Variants in NBEA observed in about 807,000 individuals in gnomAD.
NBEA encodes the protein neurobeachin.
In NBEA, 44 loss-of-function variants were observed where a neutral mutation model predicts 343.4. The observed-to-expected ratio is 0.13, with a 90% CI of 0.10 to 0.16. NBEA has a LOEUF of 0.16. Ranked by LOEUF, NBEA falls within the 10% of genes least tolerant of loss-of-function variation. NBEA has a pLI of 1.00. For synonymous variants in NBEA, 1,175 were observed against 1,238.7 expected, an observed-to-expected ratio of 0.95 and a Z score of 1.08; for missense variants, 2,555 against 3,631.3, an observed-to-expected ratio of 0.70 and a Z score of 7.62.
At chr13:35,380,395 A>C (rs1427011430) in intron 38 of NBEA, among the ~76,000 whole-genome samples, 1 of 152,122 alleles carries the variant, frequency 6.6e-6, no homozygotes, top group African/African-American at 2.4e-5. Context: ...CAGTGAGCCA[A>C]GATCACGCCA....
chr13:34,967,360 A>T (rs572993528), intron 1 of NBEA, among the ~76,000 whole-genome samples: 90 of 149,908 alleles, frequency 6.0e-4, no homozygotes, highest in African/African-American at 1.9e-3. Context: ...TTTTTTTTTT[A>T]AAAAAGCAAA....
At chr13:35,396,329 CTGTT>C (rs1399655922) in intron 38 of NBEA, among the ~76,000 whole-genome samples, 1 of 151,978 alleles carries the variant, frequency 6.6e-6, no homozygotes, top group Non-Finnish European at 1.5e-5. Context: ...TGTGTCTACT[CTGTT>C]TATTTCTGCT....
intron 41 of NBEA, among the ~76,000 whole-genome samples, chr13:35,508,653 T>C (rs1274141130): frequency 6.6e-6 from 1 of 152,122 alleles, no homozygotes; most frequent in Admixed American, 6.5e-5. Context: ...GAATGACCAT[T>C]GGAGGAAAGG....
chr13:35,303,259 C>T (rs2036673626), intron 35 of NBEA, among the ~76,000 whole-genome samples: 1 of 152,072 alleles, frequency 6.6e-6, no homozygotes, highest in South Asian at 2.1e-4. Flanking sequence ...TAGTATTGTT[C>T]ATCCGTAGTA....
In NBEA at chr13:35,440,328, T is replaced by G. The variant is rs78585392; in HGVS notation, c.6304+7935T>G. On this transcript the variant is annotated intron_variant, in intron 39 of 58. Transcript: ENST00000379939. The stretch of plus-strand genomic sequence containing the variant: ...ATTTCTGACTGTCATGGAACTAATT[T>G]AGATCATTGTTCAGAATCTTGCTTC... Among the ~76,000 whole-genome samples, 907 of 152,344 alleles carry G rather than the reference T, an allele frequency of 6.0e-3. 10 individuals carry two copies. Among genetic ancestry groups the G allele is most frequent in the African/African-American group, 0.02 (849 of 41,570 alleles).
chr13:35,578,803 A>G (rs1007530738), intron 45 of NBEA, among the ~76,000 whole-genome samples: 8 of 152,200 alleles, frequency 5.3e-5, no homozygotes, highest in African/African-American at 1.7e-4. Context: ...CAGACTTCAG[A>G]TTGTTTCAGA....
chr13:35,484,272 GTGTATATATATA>G (rs1344603762), intron 41 of NBEA, among the ~76,000 whole-genome samples: 80 of 114,924 alleles, frequency 7.0e-4, no homozygotes, highest in African/African-American at 2.2e-3. Flanking sequence ...GTGTGTGTGT[GTGTATATATATA>G]TATATATATG....
intron 53 of NBEA, 38 bp downstream of exon 53, chr13:35,651,914 A>G: frequency 1.8e-6 from 2 of 1,105,422 alleles, no homozygotes; most frequent in East Asian, 2.6e-5. Flanking sequence ...CATGGATACT[A>G]TCCATATATT....
chr13:35,113,771 C>A (rs527800935), intron 13 of NBEA, among the ~76,000 whole-genome samples: 1 of 152,150 alleles, frequency 6.6e-6, no homozygotes, highest in Admixed American at 6.5e-5. Flanking sequence ...ATAGTCAGCT[C>A]TGACATTGTA....
chr13:35,624,055 GGTGTGT>G (rs10561419), intron 48 of NBEA, among the ~76,000 whole-genome samples: 89 of 147,484 alleles, frequency 6.0e-4, no homozygotes, highest in African/African-American at 1.4e-3. Context: ...TGTGTGTGTG[GGTGTGT>G]GTGTGTGTGT....
rs2061626743 is a variant in NBEA, at chr13:35,015,498, A to T, written c.295-25435A>T. Among the ~76,000 whole-genome samples, 7 of 152,202 alleles carry T rather than the reference A, an allele frequency of 4.6e-5. No individual in the cohort carries two copies. In the South Asian group the frequency reaches 1.5e-3, roughly 32 times the overall value. On this transcript the variant is annotated intron_variant, in intron 1 of 58. Transcript: ENST00000379939. The stretch of plus-strand genomic sequence containing the variant: ...CAAAAGCTAACAAACAGTATATACA[A>T]CTACTTTCCATTTTTTTTTAATATT...
At chr13:35,646,800 G>T (rs1043984080) in intron 51 of NBEA, among the ~76,000 whole-genome samples, 42 of 152,336 alleles carry the variant, frequency 2.8e-4, no homozygotes, top group Admixed American at 8.5e-4. Context: ...CAGAGAGGTT[G>T]TTGAACAGAG....
chr13:35,435,553 G>C (rs1252986842), intron 39 of NBEA, among the ~76,000 whole-genome samples: 1 of 151,872 alleles, frequency 6.6e-6, no homozygotes, highest in Admixed American at 6.6e-5. Context: ...GAGTGGGGTG[G>C]GGGGGGCGTG....
chr13:34,971,499 T>A (rs2059994936), intron 1 of NBEA, among the ~76,000 whole-genome samples: 2 of 152,226 alleles, frequency 1.3e-5, no homozygotes, highest in African/African-American at 2.4e-5. Flanking sequence ...TTGTCATAGA[T>A]GGCTCTTATT....
At chr13:35,437,448 G>GT (rs1008465693) in intron 39 of NBEA, among the ~76,000 whole-genome samples, 2 of 152,070 alleles carry the variant, frequency 1.3e-5, no homozygotes, top group Admixed American at 6.6e-5. Flanking sequence ...TACTGATGGA[G>GT]TTTTTCATGC....
intron 41 of NBEA, among the ~76,000 whole-genome samples, chr13:35,516,358 C>G (rs974601403): frequency 6.6e-6 from 1 of 151,956 alleles, no homozygotes; most frequent in Admixed American, 6.6e-5. Flanking sequence ...AGCAGTAATG[C>G]TATTAAATGC....
At chr13:35,510,518 G>A (rs911043766) in intron 41 of NBEA, among the ~76,000 whole-genome samples, 8 of 152,118 alleles carry the variant, frequency 5.3e-5, no homozygotes, top group Admixed American at 4.6e-4. Flanking sequence ...CCACCTCGCT[G>A]GGATGTGTGA....
At chr13:34,999,868 A>G (rs993724317) in intron 1 of NBEA, among the ~76,000 whole-genome samples, 4 of 152,128 alleles carry the variant, frequency 2.6e-5, no homozygotes, top group African/African-American at 9.7e-5. Flanking sequence ...TTCTATTTCA[A>G]AGCCCAGACT....
At chr13:35,041,973 A>C (rs929287167) in intron 2 of NBEA, among the ~76,000 whole-genome samples, 2 of 151,956 alleles carry the variant, frequency 1.3e-5, no homozygotes, top group Non-Finnish European at 2.9e-5. Flanking sequence ...CATAATTATA[A>C]AAGTGCTGAT....
Sources: allele counts gnomAD v4.1 joint callset (sites outside exome capture counted in the v4.1 genomes callset), GRCh38; gene constraint gnomAD v4.1.1; transcripts MANE v1.5; gene names NCBI Gene and HGNC (gene_info 2026-07-23, HGNC 2026-07-21).